TGFBRAP1: variants seen among roughly 807,000 people sequenced by gnomAD.
TGFBRAP1 encodes the protein transforming growth factor-beta receptor-associated protein 1.
In TGFBRAP1, 20 loss-of-function variants were observed where a neutral mutation model predicts 83.2. The ratio of observed to expected loss-of-function variants is 0.24; its 90% CI spans 0.17 to 0.35. TGFBRAP1 has a LOEUF of 0.35. Ranked by LOEUF, TGFBRAP1 falls within the 10% of genes least tolerant of loss-of-function variation. TGFBRAP1 has a pLI of 1.00. For synonymous variants in TGFBRAP1, 415 were observed against 459.8 expected (o/e 0.90, Z 1.25); for missense variants, 950 against 1,099.4 (o/e 0.86, Z 1.92).
chr2:105,307,770 G>C lies in TGFBRAP1; in HGVS notation c.532C>G (p.His178Asp), dbSNP rs965474411. 3.1e-6 allele frequency: 5 copies of C among 1,614,120 alleles called. No individual in the cohort carries two copies. Among genetic ancestry groups the C allele is most frequent in the Non-Finnish European group, 4.2e-6 (5 of 1,180,030 alleles). Residue 178 changes from histidine (H) to aspartate (D), a missense_variant, in exon 2 of 12, where the codon CAC (histidine) becomes GAC (aspartate). Physicochemically the swap from His to Asp is moderately conservative, Grantham distance 81 (BLOSUM62 -1). Transcript: ENST00000393359. ...GTGGTCAGAGCCAGACACAGGAAGT[G>C]GCCGTCCACAGCCACAGCGAGGGGC... ...EQPLAVAVDG[H>D]FLCLALTTQY...
intron 10 of TGFBRAP1, among the ~76,000 whole-genome samples, chr2:105,271,227 C>A (rs1677144443): frequency 6.6e-6 from 1 of 152,214 alleles, no homozygotes; most frequent in Non-Finnish European, 1.5e-5. Flanking sequence ...GGACCAGGAC[C>A]AAGTCTCATC....
intron 6 of TGFBRAP1, among the ~76,000 whole-genome samples, chr2:105,278,992 G>A (rs918559042): frequency 5.3e-5 from 8 of 151,896 alleles, no homozygotes; most frequent in African/African-American, 1.9e-4. Flanking sequence ...GTGACCCCAG[G>A]GTCTCTGTGG....
rs377764567 is a variant in TGFBRAP1 at position 105,272,987 on chromosome 2, C to G, written c.1840G>C (p.Val614Leu). Residue 614 changes from valine to leucine, a missense_variant, in exon 10 of 12, where the codon GTG becomes CTG. Coordinates refer to ENST00000393359, the MANE Select transcript of TGFBRAP1 (RefSeq NM_004257.6). Reference protein sequence around the residue: ...QKEEYHTHLAVLYLEEVLLQR... With the variant: ...QKEEYHTHLALLYLEEVLLQR... ...AGCAGCACCTCTTCCAGGTACAGCA[C>G]AGCTAAGTGGGTGTGATACTCTTCT... The G allele has an allele frequency of 2.0e-5, 32 of 1,613,460 alleles. No homozygotes were observed. The African/African-American group carries it at 2.1e-4, about 11-fold the overall frequency.
chr2:105,282,044 A>G (rs931688963), intron 5 of TGFBRAP1, among the ~76,000 whole-genome samples: 8 of 152,156 alleles, frequency 5.3e-5, no homozygotes, highest in African/African-American at 1.9e-4. Flanking sequence ...GATTTGAGAA[A>G]TTTCTGCTCA....
Position 105,307,973 on chromosome 2 carries a change from A to G in TGFBRAP1, c.329T>C (p.Val110Ala). Reference protein sequence around the residue: ...SLVNMLNLEPVPSGARIKGAA... With the variant: ...SLVNMLNLEPAPSGARIKGAA... ...CCCCTTGATGCGGGCCCCCGAAGGC[A>G]CTGGCTCGAGGTTCAGCATGTTGAC... The change falls in exon 2 of 12, where the codon GTG (valine) becomes GCG (alanine). Residue 110 changes from valine to alanine, a missense_variant. Physicochemically the swap from Val to Ala is moderately conservative, Grantham distance 64. Transcript: ENST00000393359. 6.2e-7 allele frequency: 1 copy of G among 1,614,238 alleles called. No homozygotes were observed. Among genetic ancestry groups the G allele is most frequent in the South Asian group, 1.1e-5 (1 of 91,090 alleles).
At chr2:105,287,944 G>A (rs1269884509) in intron 4 of TGFBRAP1, among the ~76,000 whole-genome samples, 1 of 152,056 alleles carries the variant, frequency 6.6e-6, no homozygotes, top group African/African-American at 2.4e-5. Context: ...ACCTTCACGT[G>A]ACAAAAGCCA....
At chr2:105,308,570 G>C (rs1304812248) in intron 1 of TGFBRAP1, among the ~76,000 whole-genome samples, 2 of 152,052 alleles carry the variant, frequency 1.3e-5, no homozygotes, top group African/African-American at 4.8e-5. Flanking sequence ...GTGATCACGT[G>C]CCATCCTGCT....
chr2:105,307,409 G>A (rs1255095393), intron 2 of TGFBRAP1, among the ~76,000 whole-genome samples: 1 of 152,164 alleles, frequency 6.6e-6, no homozygotes, highest in African/African-American at 2.4e-5. Context: ...AAAGAAACTG[G>A]TTTTATGACT....
chr2:105,284,931 C>G (rs1004122589), intron 4 of TGFBRAP1, among the ~76,000 whole-genome samples: 2 of 152,206 alleles, frequency 1.3e-5, no homozygotes, highest in African/African-American at 4.8e-5. Context: ...AATAAAGGGG[C>G]CAGTTTATCT....
Position 105,329,607 on chromosome 2 carries a change from G to A in TGFBRAP1, c.-18+18C>T, listed in dbSNP as rs886110692. The A allele has an allele frequency of 3.3e-4, 45 of 136,364 alleles. No homozygotes were observed. The South Asian group carries it at 4.3e-3, about 13-fold the overall frequency. The allele number at this position is 136,364 out of a possible 1,614,324, so 8.4% of individuals were successfully genotyped here. A position where few individuals can be genotyped will look rare whatever the true frequency, so the allele number is the denominator to read the frequency against. ...CCCTGAGCCCCGCACCCCGCGCCCC[G>A]CCGCCCTCCTCACTCACCGGCGCCG... is the stretch of plus-strand genomic sequence containing the variant. On this transcript the variant is annotated intron_variant, in intron 1 of 11. Transcript: ENST00000393359.
chr2:105,308,059 C>T lies in TGFBRAP1; in HGVS notation c.243G>A (p.Glu81=), dbSNP rs150984253. 7 of 1,613,760 alleles carry T rather than the reference C, an allele frequency of 4.3e-6. No individual in the cohort carries two copies. The highest frequency in any genetic ancestry group is 5.9e-6 in the Non-Finnish European group (7 of 1,179,840). ...TGTTGAGTGCTGAGGCCGCACGCAGCTCGTTCACGGGCTTCTTGAAGCCCA... is the reference window on the plus strand; with the variant it reads ...TGTTGAGTGCTGAGGCCGCACGCAGTTCGTTCACGGGCTTCTTGAAGCCCA... ...RHLGFKKPVN[E]LRAASALNRL... Residue 81 remains glutamate, a synonymous_variant, in exon 2 of 12, where the codon GAG becomes GAA. Transcript: ENST00000393359.
intron 8 of TGFBRAP1, 25 bp downstream of exon 8, chr2:105,275,535 G>T (rs1317092522): frequency 6.2e-7 from 1 of 1,611,760 alleles, no homozygotes; most frequent in Non-Finnish European, 8.5e-7. Context: ...CAACCAAAGA[G>T]AATGCATTTT....
At chr2:105,306,975 A>C (rs1469563581) in intron 2 of TGFBRAP1, among the ~76,000 whole-genome samples, 1 of 152,186 alleles carries the variant, frequency 6.6e-6, no homozygotes, top group Non-Finnish European at 1.5e-5. Context: ...ATTCACATCC[A>C]ACACCGGCTG....
At chr2:105,256,565 CAAG>C in the TGFBRAP1 span, among the ~76,000 whole-genome samples, 21 of 152,130 alleles carry the variant, frequency 1.4e-4, no homozygotes, top group Non-Finnish European at 2.9e-4. Context: ...AGTCAGTTTA[CAAG>C]AAGGTATTCC....
intron 1 of TGFBRAP1, among the ~76,000 whole-genome samples, chr2:105,319,081 GAC>G (rs1170572366): frequency 2.0e-5 from 3 of 152,038 alleles, no homozygotes; most frequent in Admixed American, 2.0e-4. Flanking sequence ...GTGTGTGTGA[GAC>G]AGAGTCTCAC....
chr2:105,254,168 G>A, the TGFBRAP1 span, among the ~76,000 whole-genome samples: 1 of 151,998 alleles, frequency 6.6e-6, no homozygotes, highest in Non-Finnish European at 1.5e-5. Flanking sequence ...ACTTCTAAAA[G>A]TGGAAATGGT....
At chr2:105,295,655 A>T (rs1442312465) in intron 4 of TGFBRAP1, among the ~76,000 whole-genome samples, 2 of 151,942 alleles carry the variant, frequency 1.3e-5, no homozygotes, top group African/African-American at 4.8e-5. Context: ...TATTAAAAAT[A>T]CAAAAATTTG....
rs186598924 is a variant in TGFBRAP1 at position 105,317,844 on chromosome 2, T to C, written c.-17-9526A>G. ...CGAAATACACAAACAGACCTTTCAA[T>C]GGAGAGGAAACATGAATATCCAATA... On this transcript the variant is annotated intron_variant, in intron 1 of 11. Transcript: ENST00000393359. Among the ~76,000 whole-genome samples the C allele has an allele frequency of 1.2e-3, 182 of 152,222 alleles. 4 individuals carry two copies. In the South Asian group the frequency reaches 0.035, roughly 29 times the overall value.
At chr2:105,253,467 T>C in the TGFBRAP1 span, among the ~76,000 whole-genome samples, 1 of 152,154 alleles carries the variant, frequency 6.6e-6, no homozygotes, top group Non-Finnish European at 1.5e-5. Context: ...GGTCTCACTC[T>C]TCCTCCCAGG....
Sources: allele counts gnomAD v4.1 joint callset (sites outside exome capture counted in the v4.1 genomes callset), GRCh38; gene constraint gnomAD v4.1.1; transcripts MANE v1.5; gene names NCBI Gene and HGNC (gene_info 2026-07-23, HGNC 2026-07-21).